KCNIP1: variants seen among roughly 807,000 people sequenced by gnomAD.
KCNIP1 encodes the protein A-type potassium channel modulatory protein KCNIP1.
A neutral mutation model predicts 33.0 loss-of-function variants in KCNIP1; 18 were observed. The observed-to-expected ratio is 0.55, with a 90% CI of 0.38 to 0.81. KCNIP1 has a LOEUF of 0.81. Ranked by LOEUF, KCNIP1 falls within the 30% of genes least tolerant of loss-of-function variation. KCNIP1 has a pLI of 0.00. For missense variants in KCNIP1, 238 were observed against 271.6 expected (o/e 0.88, Z 0.87); for synonymous variants, 93 against 98.3 (o/e 0.95, Z 0.32).
At chr5:170,614,128 C>A (rs1012491542) in intron 1 of KCNIP1, among the ~76,000 whole-genome samples, 1 of 152,152 alleles carries the variant, frequency 6.6e-6, no homozygotes, top group African/African-American at 2.4e-5. Context: ...GAACAGCTGG[C>A]GAGGAAGGAC....
chr5:170,569,147 T>A (rs1321170303), intron 1 of KCNIP1, among the ~76,000 whole-genome samples: 1 of 152,222 alleles, frequency 6.6e-6, no homozygotes, highest in East Asian at 1.9e-4. Flanking sequence ...CCTGGGGTGA[T>A]CTCAGAAAGG....
At chr5:170,684,034 G>A (rs906204913) in intron 1 of KCNIP1, among the ~76,000 whole-genome samples, 2 of 152,090 alleles carry the variant, frequency 1.3e-5, no homozygotes, top group African/African-American at 4.8e-5. Context: ...TGGGATTACA[G>A]GCATGAGCCA....
At chr5:170,567,552 C>T (rs4867612) in intron 1 of KCNIP1, among the ~76,000 whole-genome samples, 140,216 of 152,238 alleles carry the variant, frequency 0.92, 65,643 homozygotes, top group Non-Finnish European at 1. Flanking sequence ...CTCAGACGGG[C>T]TGGGCTCTAA....
chr5:170,358,065 C>A (rs910627600), intron 1 of KCNIP1, among the ~76,000 whole-genome samples: 1 of 152,204 alleles, frequency 6.6e-6, no homozygotes, highest in Non-Finnish European at 1.5e-5. Flanking sequence ...CCCCTCCACC[C>A]GCCTCACAGA....
chr5:170,438,316 C>T (rs2096379152), intron 1 of KCNIP1, among the ~76,000 whole-genome samples: 1 of 152,160 alleles, frequency 6.6e-6, no homozygotes, highest in African/African-American at 2.4e-5. Flanking sequence ...CTGGCTTGAG[C>T]TCAGAGCAGG....
At chr5:170,365,177 G>A (rs1028029363) in intron 1 of KCNIP1, among the ~76,000 whole-genome samples, 2 of 152,120 alleles carry the variant, frequency 1.3e-5, no homozygotes, top group African/African-American at 4.8e-5. Flanking sequence ...TTGAGAGGTT[G>A]AGCTGGCAGA....
intron 1 of KCNIP1, among the ~76,000 whole-genome samples, chr5:170,446,518 A>T (rs78146378): frequency 0.014 from 2,063 of 152,190 alleles, 57 homozygotes; most frequent in African/African-American, 0.045. Context: ...GCTAAAGTAC[A>T]TTGGTGCAAT....
chr5:170,659,311 A>C (rs1353088805), intron 1 of KCNIP1, among the ~76,000 whole-genome samples: 1 of 152,218 alleles, frequency 6.6e-6, no homozygotes, highest in East Asian at 1.9e-4. Flanking sequence ...GGATCCCCAC[A>C]AGAAACAGAG....
intron 1 of KCNIP1, among the ~76,000 whole-genome samples, chr5:170,552,902 C>T (rs946146996): frequency 2.0e-5 from 3 of 152,206 alleles, no homozygotes; most frequent in Non-Finnish European, 4.4e-5. Context: ...GGGCCCAGAG[C>T]TTAGACTCCC....
chr5:170,544,025 G>A (rs999454825), intron 1 of KCNIP1, among the ~76,000 whole-genome samples: 23 of 152,162 alleles, frequency 1.5e-4, no homozygotes, highest in South Asian at 4.2e-4. Flanking sequence ...CGGCTCATTC[G>A]TAAGTATTTT....
intron 1 of KCNIP1, among the ~76,000 whole-genome samples, chr5:170,653,749 C>A (rs1427887372): frequency 6.6e-6 from 1 of 151,684 alleles, no homozygotes; most frequent in Non-Finnish European, 1.5e-5. Flanking sequence ...TTTCCAATAT[C>A]CATGGCAGAA....
intron 1 of KCNIP1, among the ~76,000 whole-genome samples, chr5:170,711,868 A>T (rs1763458082): frequency 6.6e-6 from 1 of 152,214 alleles, no homozygotes; most frequent in Admixed American, 6.5e-5. Flanking sequence ...CACCTATACG[A>T]TCACTTTGAA....
At chr5:170,390,139 C>A (rs903686879) in intron 1 of KCNIP1, among the ~76,000 whole-genome samples, 5 of 143,696 alleles carry the variant, frequency 3.5e-5, no homozygotes, top group Non-Finnish European at 7.7e-5. Context: ...AAGTGAATGT[C>A]AGCATTTGCA....
intron 1 of KCNIP1, among the ~76,000 whole-genome samples, chr5:170,417,050 G>A (rs906722242): frequency 6.6e-6 from 1 of 152,180 alleles, no homozygotes; most frequent in Non-Finnish European, 1.5e-5. Context: ...TAGTTAGAAG[G>A]ATGCAGTATT....
intron 1 of KCNIP1, among the ~76,000 whole-genome samples, chr5:170,532,601 G>T (rs1015535540): frequency 6.6e-6 from 1 of 152,136 alleles, no homozygotes; most frequent in African/African-American, 2.4e-5. Context: ...CTAGGATGGG[G>T]TCAACTGGCC....
chr5:170,574,537 T>C (rs551584494), intron 1 of KCNIP1, among the ~76,000 whole-genome samples: 54 of 152,352 alleles, frequency 3.5e-4, no homozygotes, highest in South Asian at 1.0e-3. Flanking sequence ...ATTACAGATA[T>C]GGCAGGCTCG....
intron 1 of KCNIP1, among the ~76,000 whole-genome samples, chr5:170,512,031 C>T (rs1373534899): frequency 6.6e-6 from 1 of 152,204 alleles, no homozygotes; most frequent in South Asian, 2.1e-4. Flanking sequence ...CCCGCCTCCC[C>T]CTAGATCTGT....
At chr5:170,628,733 A>G (rs1013369255) in intron 1 of KCNIP1, among the ~76,000 whole-genome samples, 21 of 152,208 alleles carry the variant, frequency 1.4e-4, no homozygotes, top group Non-Finnish European at 4.4e-5. Flanking sequence ...CAATACATGA[A>G]TATTGACACA....
In KCNIP1 at chr5:170,709,203, T is replaced by C. The variant is rs550866267; in HGVS notation, c.62-9555T>C. On this transcript the variant is annotated intron_variant, in intron 1 of 7. Transcript: ENST00000328939. ...TTGCTCAGATCTTCTATACCCCTATTGATTTTTTTGTCTGTTTATCAGCTG... is the reference window on the plus strand; with the variant it reads ...TTGCTCAGATCTTCTATACCCCTATCGATTTTTTTGTCTGTTTATCAGCTG... 2.6e-5 allele frequency among the ~76,000 whole-genome samples: 4 copies of C among 152,370 alleles called. No homozygotes were observed. The South Asian group carries it at 8.3e-4, about 32-fold the overall frequency.
Sources: allele counts gnomAD v4.1 joint callset (sites outside exome capture counted in the v4.1 genomes callset), GRCh38; gene constraint gnomAD v4.1.1; transcripts MANE v1.5; gene names NCBI Gene and HGNC (gene_info 2026-07-23, HGNC 2026-07-21).